HAO2: variants seen among roughly 807,000 people sequenced by gnomAD.
HAO2 encodes 2-Hydroxyacid oxidase 2.
HAO2 carries 42 observed loss-of-function variants against 37.4 expected under a neutral mutation model. The observed-to-expected ratio is 1.12, with a 90% CI of 0.88 to 1.45. HAO2 has a LOEUF of 1.45. HAO2 is among the 40% of genes most tolerant of loss of function. The pLI is 0.00. For missense variants in HAO2, 476 were observed against 430.2 expected, an observed-to-expected ratio of 1.11 and a Z score of -0.94; for synonymous variants, 180 against 162.8, an observed-to-expected ratio of 1.11 and a Z score of -0.81.
intron 1 of HAO2, among the ~76,000 whole-genome samples, chr1:119,374,323 G>T (rs2101175373): frequency 6.6e-6 from 1 of 152,252 alleles, no homozygotes. Context: ...TTCATTCTCA[G>T]GGTCTCCTCT....
chr1:119,376,246 C>T (rs780734376), intron 1 of HAO2, among the ~76,000 whole-genome samples: 4 of 152,186 alleles, frequency 2.6e-5, no homozygotes, highest in African/African-American at 4.8e-5. Context: ...AAAGGTGCTA[C>T]GGCCCCATGC....
chr1:119,378,440 G>A (rs1332777219), intron 1 of HAO2, among the ~76,000 whole-genome samples: 1 of 152,140 alleles, frequency 6.6e-6, no homozygotes, highest in East Asian at 1.9e-4. Flanking sequence ...TCTTTCACAA[G>A]TTATTTTATT....
At chr1:119,391,167 C>A (rs117941214) in intron 5 of HAO2, among the ~76,000 whole-genome samples, 2 of 151,106 alleles carry the variant, frequency 1.3e-5, no homozygotes, top group East Asian at 2.0e-4. Context: ...GCCAAAGTAT[C>A]CCATTCAGGT....
At chr1:119,370,762 G>C (rs1648925707) in intron 1 of HAO2, among the ~76,000 whole-genome samples, 1 of 152,166 alleles carries the variant, frequency 6.6e-6, no homozygotes, top group Non-Finnish European at 1.5e-5. Context: ...CACAGTCTGG[G>C]TAGTTGCCGT....
At chr1:119,379,345 C>T (rs1325960116) in intron 1 of HAO2, among the ~76,000 whole-genome samples, 1 of 152,136 alleles carries the variant, frequency 6.6e-6, no homozygotes, top group Non-Finnish European at 1.5e-5. Flanking sequence ...GGGAGGCACT[C>T]TTATCAGGGA....
At chr1:119,381,502 A>AAACT (rs1238762584) in intron 2 of HAO2, among the ~76,000 whole-genome samples, 1 of 152,212 alleles carries the variant, frequency 6.6e-6, no homozygotes, top group African/African-American at 2.4e-5. Context: ...CAGAATGACC[A>AAACT]GTTCCCTAGG....
At chr1:119,374,209 C>T (rs1649264533) in intron 1 of HAO2, among the ~76,000 whole-genome samples, 1 of 152,228 alleles carries the variant, frequency 6.6e-6, no homozygotes, top group African/African-American at 2.4e-5. Context: ...GAGCATTTTC[C>T]AGTGCCATTG....
chr1:119,380,737 A>T, intron 1 of HAO2: 3 of 1,567,008 alleles, frequency 1.9e-6, no homozygotes, highest in Non-Finnish European at 2.6e-6. Flanking sequence ...AGATACAAAA[A>T]TAAGAATTTT....
Position 119,392,047 on chromosome 1 carries a change from A to G in HAO2, c.772-63A>G, listed in dbSNP as rs1570799491. On this transcript the variant is annotated intron_variant, in intron 5 of 7. Transcript: ENST00000325945. ...AGCTTGGTTTTCCTGGTCATATGCC[A>G]GGAAGACCAAGTCTGAGAGTCAAAA... 5.5e-6 allele frequency: 8 copies of G among 1,460,948 alleles called. No homozygotes were observed. The East Asian group carries it at 1.6e-4, about 29-fold the overall frequency. The allele number at this position is 1,460,948 out of a possible 1,614,324, so 90.5% of individuals were successfully genotyped here. A position where few individuals can be genotyped will look rare whatever the true frequency, so the allele number is the denominator to read the frequency against.
intron 1 of HAO2, chr1:119,380,638 A>G: frequency 5.1e-6 from 7 of 1,367,124 alleles, no homozygotes; most frequent in Non-Finnish European, 5.2e-6. Context: ...GGCACATTGA[A>G]AGACAAGAGG....
chr1:119,369,156 T>C (rs587662872), intron 1 of HAO2: 2 of 152,316 alleles, frequency 1.3e-5, no homozygotes, highest in South Asian at 2.1e-4. Flanking sequence ...GGTGGAATAT[T>C]CGTGGGTGTC....
chr1:119,386,714 C>G lies in HAO2; in HGVS notation c.654C>G (p.Pro218=). ...LSWFQSITRL[P]IILKGILTKE... ...GGTTTCAGAGCATAACTCGATTGCC[C>G]ATCATCCTGAAAGGGATTTTGACAA... The change falls in exon 5 of 8, where the codon CCC becomes CCG. Residue 218 remains proline (P), a synonymous_variant. Coordinates refer to ENST00000325945, the MANE Select transcript of HAO2 (RefSeq NM_016527.4). The G allele has an allele frequency of 6.2e-7, 1 of 1,612,688 alleles. No homozygotes were observed. Among genetic ancestry groups the G allele is most frequent in the South Asian group, 1.1e-5 (1 of 91,048 alleles).
At chr1:119,390,708 G>A (rs1650812009) in intron 5 of HAO2, among the ~76,000 whole-genome samples, 1 of 152,178 alleles carries the variant, frequency 6.6e-6, no homozygotes, top group Admixed American at 6.5e-5. Context: ...GGACAGAACA[G>A]GACATTCATT....
At position 119,370,948 on chromosome 1, in the gene HAO2, G is replaced by A. The variant is rs587764323; in HGVS notation, c.-9+2046G>A. Among the ~76,000 whole-genome samples the A allele has an allele frequency of 8.5e-5, 13 of 152,278 alleles. No homozygotes were observed. The East Asian group carries it at 1.5e-3, about 18-fold the overall frequency. On this transcript the variant is annotated intron_variant, in intron 1 of 7. Coordinates refer to ENST00000325945, the MANE Select transcript of HAO2 (RefSeq NM_016527.4). The stretch of plus-strand genomic sequence containing the variant: ...GAAGTCACTAGTGGACAGAGTAGAC[G>A]TCAGAGCCTGTTTTGGAGCTTTGTG...
In HAO2 at chr1:119,385,030, A is replaced by T; in HGVS notation, c.538A>T (p.Thr180Ser). 1 of 1,612,510 alleles carries T rather than the reference A, an allele frequency of 6.2e-7. No homozygotes were observed. The highest frequency in any genetic ancestry group is 8.5e-7 in the Non-Finnish European group (1 of 1,178,778). The change falls in exon 4 of 8, where the codon ACA becomes TCA. Residue 180 changes from threonine (T) to serine (S), a missense_variant. Physicochemically the swap from Thr to Ser is moderately conservative, Grantham distance 58. Transcript: ENST00000325945. ...RNQLRRNLTL[T>S]DLQSPKKGNA... ...CCAGTTGAGGAGGAACTTAACACTA[A>T]CAGATCTTCAATCACCTAAAAAGGT...
rs898367223 is a variant in HAO2, at chr1:119,369,504, T to C, written c.-9+602T>C. On this transcript the variant is annotated intron_variant, in intron 1 of 7. Transcript: ENST00000325945. ...AGACAGGGAGGTACTGGTATAAAGA[T>C]AGATAACAGATCAATGGAACAGAAT... Among the ~76,000 whole-genome samples the C allele has an allele frequency of 2.0e-5, 3 of 152,148 alleles. No homozygotes were observed. The South Asian group carries it at 6.2e-4, about 32-fold the overall frequency.
At chr1:119,382,836 A>AG in intron 2 of HAO2, 79 bp from the exon 3 acceptor site, 1 of 1,345,138 alleles carries the variant, frequency 7.4e-7, no homozygotes, top group East Asian at 2.3e-5. Context: ...ATCAGGAATC[A>AG]GGGGGGTCCA....
intron 1 of HAO2, among the ~76,000 whole-genome samples, chr1:119,373,104 T>C (rs1362364909): frequency 6.6e-6 from 1 of 152,210 alleles, no homozygotes; most frequent in African/African-American, 2.4e-5. Flanking sequence ...GCTATCTCTC[T>C]TGAAGCAGCC....
intron 5 of HAO2, among the ~76,000 whole-genome samples, chr1:119,387,342 G>A (rs1195027710): frequency 1.3e-5 from 2 of 152,130 alleles, no homozygotes; most frequent in East Asian, 3.9e-4. Context: ...GAGAAAGTAA[G>A]GCAGGGAAAG....
Sources: gnomAD v4.1 joint callset for allele counts (sites outside exome capture counted in the v4.1 genomes callset) on GRCh38, gnomAD v4.1.1 for gene constraint, MANE v1.5 for transcripts, NCBI Gene and HGNC (gene_info 2026-07-23, HGNC 2026-07-21) for gene names.